The following CCDC102B variants were observed in gnomAD, a reference collection of about 807,000 sequenced individuals.
CCDC102B encodes the protein coiled-coil domain containing 102B, also known as coiled-coil domain-containing protein 102B.
In CCDC102B, 75 loss-of-function variants were observed where a neutral mutation model predicts 57.4. The observed-to-expected ratio is 1.31, with a 90% CI of 1.08 to 1.58. CCDC102B has a LOEUF of 1.58. Among genes scored for constraint, CCDC102B ranks in the 40% most tolerant of loss-of-function variants. CCDC102B has a pLI of 0.00. For synonymous variants in CCDC102B, 206 were observed against 201.9 expected (o/e 1.02, Z -0.17); for missense variants, 636 against 582.6 (o/e 1.09, Z -0.94).
At chr18:68,790,964 T>C (rs1228463914) in intron 2 of CCDC102B, among the ~76,000 whole-genome samples, 1 of 152,200 alleles carries the variant, frequency 6.6e-6, no homozygotes, top group Non-Finnish European at 1.5e-5. Flanking sequence ...AGAGTGTAGG[T>C]AATATTTTGT....
At chr18:68,886,851 A>G (rs1447455295) in intron 5 of CCDC102B, among the ~76,000 whole-genome samples, 3 of 152,012 alleles carry the variant, frequency 2.0e-5, no homozygotes, top group South Asian at 2.1e-4. Flanking sequence ...CACTCATTTC[A>G]ATGGACCCCA....
At chr18:68,946,944 A>G (rs898384893) in intron 6 of CCDC102B, among the ~76,000 whole-genome samples, 12 of 152,040 alleles carry the variant, frequency 7.9e-5, no homozygotes, top group African/African-American at 2.9e-4. Flanking sequence ...TGGATGCATC[A>G]TGGAACAGCA....
intron 7 of CCDC102B, among the ~76,000 whole-genome samples, chr18:69,029,282 A>C (rs1568135496): frequency 6.6e-6 from 1 of 152,192 alleles, no homozygotes; most frequent in Non-Finnish European, 1.5e-5. Flanking sequence ...CAAATGTGTC[A>C]GAACTTGTCC....
At chr18:68,851,965 C>G (rs1403244618) in intron 4 of CCDC102B, among the ~76,000 whole-genome samples, 8 of 152,020 alleles carry the variant, frequency 5.3e-5, no homozygotes, top group Non-Finnish European at 1.2e-4. Flanking sequence ...TTTATTTTTT[C>G]TTATCAGAAG....
At chr18:68,911,767 A>AAAAAAAAAG (rs2040880913) in intron 6 of CCDC102B, among the ~76,000 whole-genome samples, 2 of 142,878 alleles carry the variant, frequency 1.4e-5, no homozygotes, top group African/African-American at 2.6e-5. Context: ...AAAAAAAAAA[A>AAAAAAAAAG]AAAAAAAAGA....
intron 4 of CCDC102B, among the ~76,000 whole-genome samples, chr18:68,850,388 C>T (rs1401090437): frequency 6.6e-6 from 1 of 152,000 alleles, no homozygotes; most frequent in African/African-American, 2.4e-5. Context: ...CGCCATGGAA[C>T]TCTTTCACTC....
At chr18:68,827,173 A>G (rs1468022481) in intron 1 of CCDC102B, among the ~76,000 whole-genome samples, 5 of 152,172 alleles carry the variant, frequency 3.3e-5, no homozygotes, top group Non-Finnish European at 1.5e-5. Flanking sequence ...AAAATTGGCT[A>G]AAGGAAATTC....
chr18:68,989,985 A>G (rs983917482), intron 6 of CCDC102B, among the ~76,000 whole-genome samples: 9 of 152,132 alleles, frequency 5.9e-5, no homozygotes, highest in Admixed American at 5.9e-4. Flanking sequence ...GTAGTTTTTA[A>G]TGATGCATGT....
intron 5 of CCDC102B, among the ~76,000 whole-genome samples, chr18:68,893,403 G>GT (rs138426656): frequency 0.092 from 14,012 of 152,206 alleles, 862 homozygotes; most frequent in Admixed American, 0.14. Context: ...GGCAATAGCA[G>GT]TAAGAGTTCA....
At chr18:68,808,725 A>T (rs538573244) in intron 1 of CCDC102B, among the ~76,000 whole-genome samples, 3 of 151,874 alleles carry the variant, frequency 2.0e-5, no homozygotes, top group Non-Finnish European at 2.9e-5. Flanking sequence ...TGATCCGCCC[A>T]CCTTGGCCTC....
chr18:68,920,661 A>C (rs2041246208), intron 6 of CCDC102B, among the ~76,000 whole-genome samples: 1 of 152,102 alleles, frequency 6.6e-6, no homozygotes, highest in Admixed American at 6.5e-5. Flanking sequence ...ATTGCTGGGG[A>C]GGCCTCAGGA....
rs1478217957 is a variant in CCDC102B at position 68,897,434 on chromosome 18, G to A, written c.1263+6G>A. ...ATCTGCAAGAAAAAAACCAGGTATGGGTGCTCCTTGGAGCAAATTCTCACT... is the reference window on the plus strand; with the variant it reads ...ATCTGCAAGAAAAAAACCAGGTATGAGTGCTCCTTGGAGCAAATTCTCACT... On this transcript the variant is annotated splice_donor_region_variant and intron_variant, in intron 6 of 7. Transcript: ENST00000360242. 3.1e-6 allele frequency: 5 copies of A among 1,609,772 alleles called. No homozygotes were observed. In the Admixed American group the frequency reaches 8.4e-5, roughly 27 times the overall value.
chr18:68,928,708 A>G (rs2041561568), intron 6 of CCDC102B, among the ~76,000 whole-genome samples: 2 of 151,930 alleles, frequency 1.3e-5, no homozygotes, highest in South Asian at 4.1e-4. Flanking sequence ...ATCTTTTCAA[A>G]AAACTAGAAA....
intron 1 of CCDC102B, among the ~76,000 whole-genome samples, chr18:68,803,339 G>T (rs1223659152): frequency 6.6e-6 from 1 of 152,144 alleles, no homozygotes; most frequent in Non-Finnish European, 1.5e-5. Flanking sequence ...AGTCTAGCTG[G>T]TAAAGCAGTA....
At chr18:68,817,807 G>T (rs557325858) in intron 1 of CCDC102B, among the ~76,000 whole-genome samples, 1 of 152,240 alleles carries the variant, frequency 6.6e-6, no homozygotes, top group South Asian at 2.1e-4. Context: ...TTTCCATTAA[G>T]AGAAGGAATA....
Position 68,921,272 on chromosome 18 carries a change from T to G in CCDC102B, c.1263+23844T>G, listed in dbSNP as rs1338608807. ...TAATTGAATCACGGAGGCAAGTCTTTCCTGTGCTGTTCTTATAATAGTGAA... is the reference window on the plus strand; with the variant it reads ...TAATTGAATCACGGAGGCAAGTCTTGCCTGTGCTGTTCTTATAATAGTGAA... On this transcript the variant is annotated intron_variant, in intron 6 of 7. Coordinates refer to ENST00000360242, the MANE Select transcript of CCDC102B (RefSeq NM_024781.3). Among the ~76,000 whole-genome samples the G allele has an allele frequency of 2.0e-5, 3 of 152,156 alleles. No individual in the cohort carries two copies. The East Asian group carries it at 5.8e-4, about 29-fold the overall frequency.
intron 4 of CCDC102B, among the ~76,000 whole-genome samples, chr18:68,852,115 G>A (rs1488105509): frequency 7.1e-6 from 1 of 140,994 alleles, no homozygotes; most frequent in South Asian, 2.4e-4. Context: ...TTCTTCTCCC[G>A]GAAGGTGTGG....
chr18:68,944,023 T>G (rs1267077318), intron 6 of CCDC102B, among the ~76,000 whole-genome samples: 1 of 152,164 alleles, frequency 6.6e-6, no homozygotes, highest in Non-Finnish European at 1.5e-5. Context: ...AGGCTTTATG[T>G]TGTTATCTCT....
intron 6 of CCDC102B, among the ~76,000 whole-genome samples, chr18:68,977,955 G>C (rs1394099458): frequency 6.6e-6 from 1 of 151,936 alleles, no homozygotes; most frequent in African/African-American, 2.4e-5. Flanking sequence ...GCTGATGAAA[G>C]CCAAGCCTAG....
Sources: allele counts gnomAD v4.1 joint callset (sites outside exome capture counted in the v4.1 genomes callset), GRCh38; gene constraint gnomAD v4.1.1; transcripts MANE v1.5; gene names NCBI Gene and HGNC (gene_info 2026-07-23, HGNC 2026-07-21).